The following CFAP54 variants were observed in gnomAD, a reference collection of about 807,000 sequenced individuals.
CFAP54 encodes the protein cilia and flagella associated protein 54.
In CFAP54, 290 loss-of-function variants were observed where a neutral mutation model predicts 370.4. That is an observed-to-expected ratio of 0.78 (90% CI 0.71 to 0.86). CFAP54 has a LOEUF of 0.86. CFAP54 is among the 40% of genes least tolerant of loss of function. The pLI, the probability that CFAP54 is intolerant of heterozygous loss-of-function variation, is 0.00. For missense variants in CFAP54, 3,399 were observed against 3,528.7 expected (o/e 0.96, Z 0.93); for synonymous variants, 1,206 against 1,236.5 (o/e 0.98, Z 0.52).
intron 64 of CFAP54, among the ~76,000 whole-genome samples, chr12:96,812,429 G>A (rs1958936834): frequency 3.9e-5 from 6 of 151,952 alleles, no homozygotes; most frequent in Admixed American, 3.9e-4. Flanking sequence ...CTCTCTTCCT[G>A]TTTCACTTTA....
At chr12:96,725,427 T>A (rs1177639693) in intron 50 of CFAP54, among the ~76,000 whole-genome samples, 1 of 152,170 alleles carries the variant, frequency 6.6e-6, no homozygotes, top group Non-Finnish European at 1.5e-5. Context: ...TATTTTATTC[T>A]CTTTGAAGCA....
intron 8 of CFAP54, among the ~76,000 whole-genome samples, chr12:96,524,599 G>GA (rs1367603608): frequency 6.6e-6 from 1 of 152,204 alleles, no homozygotes; most frequent in Admixed American, 6.5e-5. Flanking sequence ...GGAGAATAGA[G>GA]AAAAACATTC....
chr12:96,772,897 A>T (rs7298635), intron 60 of CFAP54, among the ~76,000 whole-genome samples: 49,227 of 152,050 alleles, frequency 0.32, 8,276 homozygotes, highest in South Asian at 0.54. Context: ...GGCGTGAGCC[A>T]CCATGCCTGG....
intron 36 of CFAP54, among the ~76,000 whole-genome samples, chr12:96,652,039 A>G (rs1407183698): frequency 2.0e-5 from 3 of 152,212 alleles, no homozygotes; most frequent in Admixed American, 6.5e-5. Context: ...GGAAAGTAAC[A>G]TGAACTGAAC....
At position 96,634,271 on chromosome 12, in the gene CFAP54, G is replaced by A. The variant is rs779791761; in HGVS notation, c.4316+3620G>A. ...GGGTTTCACTATGTTGGTCAGGCTG[G>A]TCTTGAACTCCTGACCTCACGATCT... On this transcript the variant is annotated intron_variant, in intron 32 of 67. Coordinates refer to ENST00000524981, the MANE Select transcript of CFAP54 (RefSeq NM_001306084.2). Among the ~76,000 whole-genome samples the A allele has an allele frequency of 2.2e-4, 34 of 151,620 alleles. 1 individual carries two copies. Among genetic ancestry groups the A allele is most frequent in the Non-Finnish European group, 4.3e-4 (29 of 67,918 alleles).
chr12:96,554,408 T>C, intron 16 of CFAP54, 98 bp downstream of exon 16: 2 of 1,356,476 alleles, frequency 1.5e-6, no homozygotes, highest in Non-Finnish European at 1.9e-6. Flanking sequence ...TTGTGTTGGC[T>C]TACCTCTCAT....
At chr12:96,522,240 G>T (rs1223573063) in intron 8 of CFAP54, 51 bp downstream of exon 8, 2 of 1,222,446 alleles carry the variant, frequency 1.6e-6, no homozygotes, top group Non-Finnish European at 2.3e-6. Context: ...CAGTATATTT[G>T]TATTATGCTC....
intron 67 of CFAP54, among the ~76,000 whole-genome samples, chr12:96,874,632 A>G (rs5022747): frequency 3.3e-5 from 1 of 30,430 alleles, no homozygotes; most frequent in East Asian, 1.4e-3. Flanking sequence ...TTTTTATTTT[A>G]TTTTTTTTTT....
intron 1 of CFAP54, among the ~76,000 whole-genome samples, chr12:96,494,066 C>G (rs962868507): frequency 1.3e-5 from 2 of 152,056 alleles, no homozygotes; most frequent in Non-Finnish European, 2.9e-5. Context: ...TGGGATTTGA[C>G]TAGCCAAACA....
Position 96,594,399 on chromosome 12 carries a change from C to T in CFAP54, c.3469C>T (p.Leu1157Phe), listed in dbSNP as rs1212070208. The change falls in exon 25 of 68, where the codon CTT becomes TTT. Residue 1157 changes from leucine (L) to phenylalanine (F), a missense_variant. By Grantham distance (22) the Leu-to-Phe change is conservative. This residue lies in a region of CFAP54 where 2,796 missense variants were observed against 2,869.7 expected (regional missense o/e 0.97). Coordinates refer to ENST00000524981, the MANE Select transcript of CFAP54 (RefSeq NM_001306084.2). ...AGCTGTGACTCAATGTTATGGACTT[C>T]TTGCTCCCATAATTTATCACAATAT... The part of the protein sequence containing the change: ...LQAVTQCYGL[L>F]APIIYHNIVL... 6.5e-7 allele frequency: 1 copy of T among 1,534,008 alleles called. No individual in the cohort carries two copies. The highest frequency in any genetic ancestry group is 1.2e-5 in the South Asian group (1 of 83,852).
intron 50 of CFAP54, among the ~76,000 whole-genome samples, chr12:96,729,519 C>G (rs980283039): frequency 6.6e-6 from 1 of 152,242 alleles, no homozygotes; most frequent in African/African-American, 2.4e-5. Context: ...TCCTGGTGCG[C>G]TGTTTCCTAA....
chr12:96,584,841 A>G (rs1956061069), intron 22 of CFAP54, among the ~76,000 whole-genome samples: 1 of 151,938 alleles, frequency 6.6e-6, no homozygotes, highest in Admixed American at 6.6e-5. Flanking sequence ...GCTTTCTTGT[A>G]TTTTTCTCTA....
chr12:96,826,804 A>C lies in CFAP54; in HGVS notation c.9097-2210A>C, dbSNP rs1443679872. ...ATAATTATAAATAATATATAATTAT[A>C]TATTATACATATTAATATATTATAT... On this transcript the variant is annotated intron_variant, in intron 65 of 67. Transcript: ENST00000524981. Among the ~76,000 whole-genome samples, 53 of 113,506 alleles carry C rather than the reference A, an allele frequency of 4.7e-4. 1 individual carries two copies. The highest frequency in any genetic ancestry group is 3.1e-3 in the Admixed American group (27 of 8,658). The allele number at this position is 113,506 out of a possible 152,430, so 74.5% of individuals were successfully genotyped here. A position where few individuals can be genotyped will look rare whatever the true frequency, so the allele number is the denominator to read the frequency against.
chr12:96,563,688 C>G (rs1955837516), intron 17 of CFAP54, among the ~76,000 whole-genome samples: 1 of 152,174 alleles, frequency 6.6e-6, no homozygotes. Context: ...CACATGGTGG[C>G]TCATGTGCAT....
chr12:96,709,386 G>A (rs926726423), intron 48 of CFAP54, among the ~76,000 whole-genome samples: 1 of 152,150 alleles, frequency 6.6e-6, no homozygotes, highest in African/African-American at 2.4e-5. Context: ...TGGGATTTAT[G>A]GGCCACAGGG....
intron 65 of CFAP54, among the ~76,000 whole-genome samples, chr12:96,818,673 C>T (rs758092651): frequency 3.9e-5 from 6 of 152,238 alleles, no homozygotes; most frequent in Admixed American, 2.6e-4. Context: ...TTCTGCCCCA[C>T]TCAAGCTTAC....
chr12:96,843,171 G>C (rs1056309372), intron 66 of CFAP54, among the ~76,000 whole-genome samples: 2 of 152,154 alleles, frequency 1.3e-5, no homozygotes, highest in Admixed American at 6.5e-5. Context: ...TAAAGCCTTT[G>C]TTCTAAAAAA....
chr12:96,859,944 T>G (rs1376451628), intron 66 of CFAP54, among the ~76,000 whole-genome samples: 1 of 152,176 alleles, frequency 6.6e-6, no homozygotes, highest in African/African-American at 2.4e-5. Context: ...ACCTCTCTAT[T>G]GTTTGCAGTT....
chr12:96,727,572 C>T (rs1207490579), intron 50 of CFAP54, among the ~76,000 whole-genome samples: 1 of 148,022 alleles, frequency 6.8e-6, no homozygotes, highest in East Asian at 2.0e-4. Context: ...ATGTGTGTCT[C>T]TGCACATGAG....
Sources: gnomAD v4.1 joint callset for allele counts (sites outside exome capture counted in the v4.1 genomes callset) on GRCh38, gnomAD v4.1.1 for gene constraint, gnomAD v4.1.1 regional missense constraint, MANE v1.5 for transcripts, NCBI Gene and HGNC (gene_info 2026-07-23, HGNC 2026-07-21) for gene names.